Variants in KIRREL3 observed in about 807,000 individuals in gnomAD.
KIRREL3 encodes kin of IRRE-like protein 3.
In KIRREL3, 36 loss-of-function variants were observed where a neutral mutation model predicts 89.7. The observed-to-expected ratio is 0.40, with a 90% CI of 0.31 to 0.53. The LOEUF (loss-of-function observed/expected upper bound fraction) is 0.53. Ranked by LOEUF, KIRREL3 falls within the 20% of genes least tolerant of loss-of-function variation. The pLI is 0.49. For missense variants in KIRREL3, 864 were observed against 1,056.6 expected, an observed-to-expected ratio of 0.82 and a Z score of 2.53; for synonymous variants, 445 against 441.4, an observed-to-expected ratio of 1.01 and a Z score of -0.10.
In KIRREL3 at chr11:126,996,872, C is replaced by A; in HGVS notation, c.55+3583G>T. The stretch of plus-strand genomic sequence containing the variant: ...CTGGGTTCAGCAGAATTAGAACCTT[C>A]ACAACCACAGAATCACAAGGCAGGA... On this transcript the variant is annotated intron_variant, in intron 1 of 16. Transcript: ENST00000525144. This position sits in a 1 kb window ranked among gnomAD's most constrained non-coding sequence, Gnocchi z 4.7. 6.6e-6 allele frequency among the ~76,000 whole-genome samples: 1 copy of A among 152,232 alleles called. No homozygotes were observed. The highest frequency in any genetic ancestry group is 1.9e-4 in the East Asian group (1 of 5,198).
intron 1 of KIRREL3, among the ~76,000 whole-genome samples, chr11:126,603,890 G>GC (rs1175855432): frequency 5.9e-5 from 9 of 151,990 alleles, no homozygotes; most frequent in African/African-American, 1.9e-4. Flanking sequence ...TCCCCAAATA[G>GC]CCCCCCCTCC....
chr11:126,768,174 C>CATCTA lies in KIRREL3; in HGVS notation c.56-205263_56-205262insTAGAT, dbSNP rs1949900483. On this transcript the variant is annotated intron_variant, in intron 1 of 16. Coordinates refer to ENST00000525144, the MANE Select transcript of KIRREL3 (RefSeq NM_032531.4). This position sits in a 1 kb window ranked among gnomAD's most constrained non-coding sequence, Gnocchi z 4.5. ...CATCCATCCATCCATCCATCCAATC[C>CATCTA]ATCCATCCATCCATCCATCCATCCA... Among the ~76,000 whole-genome samples the CATCTA allele has an allele frequency of 1.6e-5, 1 of 64,432 alleles. No homozygotes were observed. Among genetic ancestry groups the CATCTA allele is most frequent in the Admixed American group, 1.6e-4 (1 of 6,292 alleles). 42.3% of individuals were successfully genotyped at this position (64,432 alleles called of 152,430 possible). A position where few individuals can be genotyped will look rare whatever the true frequency, so the allele number is the denominator to read the frequency against.
At chr11:126,482,435 C>G (rs920694961) in intron 4 of KIRREL3, among the ~76,000 whole-genome samples, 6 of 152,228 alleles carry the variant, frequency 3.9e-5, no homozygotes, top group Non-Finnish European at 8.8e-5. Context: ...GGGAAAACTG[C>G]TTAGCTTCTC....
chr11:126,587,742 T>C lies in KIRREL3; in HGVS notation c.56-24830A>G, dbSNP rs1040974853. The stretch of plus-strand genomic sequence containing the variant: ...TAAATTGAAACCGCAGTACAATATA[T>C]GTGAATGATTAGGTTGTGTAATACA... On this transcript the variant is annotated intron_variant, in intron 1 of 16. Transcript: ENST00000525144. This position sits in a 1 kb window ranked among gnomAD's most constrained non-coding sequence, Gnocchi z 5.2. Among the ~76,000 whole-genome samples, 2 of 152,270 alleles carry C rather than the reference T, an allele frequency of 1.3e-5. No individual in the cohort carries two copies. Among genetic ancestry groups the C allele is most frequent in the Non-Finnish European group, 2.9e-5 (2 of 68,052 alleles).
At chr11:126,447,231 G>A (rs540795773) in intron 8 of KIRREL3, among the ~76,000 whole-genome samples, 56 of 152,290 alleles carry the variant, frequency 3.7e-4, no homozygotes, top group African/African-American at 1.2e-3. Flanking sequence ...TCTGGATCAC[G>A]CCCGGTGCTA....
chr11:126,585,891 A>G (rs759800916), intron 1 of KIRREL3, among the ~76,000 whole-genome samples: 2 of 152,260 alleles, frequency 1.3e-5, no homozygotes, highest in Non-Finnish European at 2.9e-5. Context: ...GTTGGGCTTC[A>G]GCTTCCCTGT....
At chr11:126,546,593 C>T (rs1040286178) in intron 2 of KIRREL3, among the ~76,000 whole-genome samples, 1 of 152,248 alleles carries the variant, frequency 6.6e-6, no homozygotes, top group African/African-American at 2.4e-5. Context: ...CATTTTCTCT[C>T]CTCGGTGACA....
chr11:126,692,123 A>C (rs940084271), intron 1 of KIRREL3, among the ~76,000 whole-genome samples: 1 of 152,230 alleles, frequency 6.6e-6, no homozygotes, highest in Admixed American at 6.5e-5. Context: ...GTTCCTTAAA[A>C]AATTAAAAAT....
At position 126,891,221 on chromosome 11, in the gene KIRREL3, GGAAATA is replaced by G. The variant is rs1294485362; in HGVS notation, c.55+109228_55+109233del. Among the ~76,000 whole-genome samples, 1 of 152,166 alleles carries G rather than the reference GGAAATA, an allele frequency of 6.6e-6. No homozygotes were observed. Among genetic ancestry groups the G allele is most frequent in the East Asian group, 1.9e-4 (1 of 5,192 alleles). ...TACTGCAAATTATAAAGGGTGATTAGGAAATAGCATGGCTCTCTATCTTCTCATGCC... is the reference window on the plus strand; with the variant it reads ...TACTGCAAATTATAAAGGGTGATTAGGCATGGCTCTCTATCTTCTCATGCC... On this transcript the variant is annotated intron_variant, in intron 1 of 16. Transcript: ENST00000525144. This position sits in a 1 kb window ranked among gnomAD's most constrained non-coding sequence, Gnocchi z 5.1.
intron 1 of KIRREL3, among the ~76,000 whole-genome samples, chr11:126,727,685 T>A (rs1948446421): frequency 6.6e-6 from 1 of 152,212 alleles, no homozygotes; most frequent in African/African-American, 2.4e-5. Flanking sequence ...CCTCACAAAG[T>A]GGAGAATTCG....
In KIRREL3 at chr11:126,791,834, C is replaced by T. The variant is rs111919639; in HGVS notation, c.55+208621G>A. Among the ~76,000 whole-genome samples, 147 of 152,202 alleles carry T rather than the reference C, an allele frequency of 9.7e-4. No homozygotes were observed. The highest frequency in any genetic ancestry group is 2.2e-3 in the African/African-American group (92 of 41,518). ...AGGGACAGTTGTGGGGCTGTAGGGG[C>T]GGTTTCTCAGAGTGTGAGGTATGGG... is the stretch of plus-strand genomic sequence containing the variant. On this transcript the variant is annotated intron_variant, in intron 1 of 16. Transcript: ENST00000525144. The surrounding 1 kb of genome is among the most constrained non-coding windows in gnomAD (Gnocchi z 4.8).
chr11:126,520,645 C>T lies in KIRREL3; in HGVS notation c.433+670G>A, dbSNP rs1958555244. Among the ~76,000 whole-genome samples the T allele has an allele frequency of 6.6e-6, 1 of 152,166 alleles. No homozygotes were observed. Among genetic ancestry groups the T allele is most frequent in the Admixed American group, 6.5e-5 (1 of 15,276 alleles). ...ATCAGAACTAGGCGGTTTAAGAGGT[C>T]ACCGAGCCCATTCCCCTGTCTTCAG... On this transcript the variant is annotated intron_variant, in intron 4 of 16. Coordinates refer to ENST00000525144, the MANE Select transcript of KIRREL3 (RefSeq NM_032531.4). This position sits in a 1 kb window ranked among gnomAD's most constrained non-coding sequence, Gnocchi z 4.9.
In KIRREL3 at chr11:126,656,758, A is replaced by G. The variant is rs761658430; in HGVS notation, c.56-93846T>C. ...TACTCATAACCTATCTCTTATGAAA[A>G]TAAATGAAACTGGCTAGGCGTGGTG... On this transcript the variant is annotated intron_variant, in intron 1 of 16. Coordinates refer to ENST00000525144, the MANE Select transcript of KIRREL3 (RefSeq NM_032531.4). The surrounding 1 kb of genome is among the most constrained non-coding windows in gnomAD (Gnocchi z 4.0). 6.6e-6 allele frequency among the ~76,000 whole-genome samples: 1 copy of G among 152,236 alleles called. No homozygotes were observed. Among genetic ancestry groups the G allele is most frequent in the Non-Finnish European group, 1.5e-5 (1 of 68,046 alleles).
At position 126,697,099 on chromosome 11, in the gene KIRREL3, C is replaced by T. The variant is rs117175038; in HGVS notation, c.56-134187G>A. Among the ~76,000 whole-genome samples the T allele has an allele frequency of 1.8e-3, 271 of 152,292 alleles. 1 individual carries two copies. Among genetic ancestry groups the T allele is most frequent in the Non-Finnish European group, 3.0e-3 (201 of 68,012 alleles). On this transcript the variant is annotated intron_variant, in intron 1 of 16. Transcript: ENST00000525144. This position sits in a 1 kb window ranked among gnomAD's most constrained non-coding sequence, Gnocchi z 4.2. ...CTGCGACTCAGCCTCCTTCGGGCTG[C>T]GGCTTAGCATGTTCCCCTCAGCCTC...
chr11:126,634,409 C>T (rs527396888), intron 1 of KIRREL3, among the ~76,000 whole-genome samples: 3 of 152,328 alleles, frequency 2.0e-5, no homozygotes, highest in East Asian at 3.9e-4. Context: ...GTGCTCATCA[C>T]AATACCATAG....
rs1957673372 is a variant in KIRREL3 at position 126,496,905 on chromosome 11, G to A, written c.434-23439C>T. ...CTCAATGTCCCGGAATTGCTTCTTG[G>A]AGGCCAATGAGAGTGGGCAGAACTG... On this transcript the variant is annotated intron_variant, in intron 4 of 16. Coordinates refer to ENST00000525144, the MANE Select transcript of KIRREL3 (RefSeq NM_032531.4). This position sits in a 1 kb window ranked among gnomAD's most constrained non-coding sequence, Gnocchi z 4.9. Among the ~76,000 whole-genome samples the A allele has an allele frequency of 6.6e-6, 1 of 152,120 alleles. No individual in the cohort carries two copies. The highest frequency in any genetic ancestry group is 1.5e-5 in the Non-Finnish European group (1 of 68,020).
chr11:126,738,435 G>T (rs1398281841), intron 1 of KIRREL3, among the ~76,000 whole-genome samples: 2 of 152,124 alleles, frequency 1.3e-5, no homozygotes, highest in Non-Finnish European at 2.9e-5. Context: ...GCTCTGTGTG[G>T]ACTTCACTTG....
Position 126,437,015 on chromosome 11 carries a change from C to G in KIRREL3, c.1354-6G>C, listed in dbSNP as rs587780376. 6.6e-6 allele frequency: 10 copies of G among 1,519,092 alleles called. No individual in the cohort carries two copies. The East Asian group carries it at 1.7e-4, about 25-fold the overall frequency. 94.1% of individuals were successfully genotyped at this position (1,519,092 alleles called of 1,614,324 possible). A position where few individuals can be genotyped will look rare whatever the true frequency, so the allele number is the denominator to read the frequency against. Reference sequence around the variant, plus strand: ...TTCTCCTTCCAGGACCAGGCCTGCCCGGGGGCGCAGAATCAGGAGGAGACC... The same window carrying G: ...TTCTCCTTCCAGGACCAGGCCTGCCGGGGGGCGCAGAATCAGGAGGAGACC... On this transcript the variant is annotated splice_polypyrimidine_tract_variant and splice_region_variant and intron_variant, in intron 11 of 16. Coordinates refer to ENST00000525144, the MANE Select transcript of KIRREL3 (RefSeq NM_032531.4).
At position 126,430,994 on chromosome 11, in the gene KIRREL3, T is replaced by C. The variant is rs1955107068; in HGVS notation, c.1696+425A>G. The C allele has an allele frequency of 1.8e-6, 2 of 1,119,248 alleles. No homozygotes were observed. The highest frequency in any genetic ancestry group is 3.9e-4 in the Middle Eastern group (1 of 2,594). 69.3% of individuals were successfully genotyped at this position (1,119,248 alleles called of 1,614,324 possible). A position where few individuals can be genotyped will look rare whatever the true frequency, so the allele number is the denominator to read the frequency against. ...GCTTCCCCACCCACTCCCCCACAGC[T>C]GTGTGAGTGACCTGCTTTTCTGGTG... On this transcript the variant is annotated intron_variant, in intron 14 of 16. Transcript: ENST00000525144. The surrounding 1 kb of genome is among the most constrained non-coding windows in gnomAD (Gnocchi z 6.6).
Sources: gnomAD v4.1 joint callset for allele counts (sites outside exome capture counted in the v4.1 genomes callset) on GRCh38, gnomAD v4.1.1 for gene constraint, Gnocchi (gnomAD v3.1) non-coding constraint, MANE v1.5 for transcripts, NCBI Gene and HGNC (gene_info 2026-07-23, HGNC 2026-07-21) for gene names.